The following OR9Q1 variants were observed in gnomAD, a reference collection of about 807,000 sequenced individuals.
OR9Q1 encodes olfactory receptor family 9 subfamily Q member 1, also known as olfactory receptor 9Q1.
For missense variants in OR9Q1, 374 were observed against 378.8 expected (o/e 0.99, Z 0.11); for synonymous variants, 153 against 148.6 (o/e 1.03, Z -0.22).
At chr11:58,155,245 C>T (rs1590619432) in intron 2 of OR9Q1, among the ~76,000 whole-genome samples, 2 of 152,074 alleles carry the variant, frequency 1.3e-5, no homozygotes, top group African/African-American at 2.4e-5. Flanking sequence ...CTTCAACTTA[C>T]GGGATGAGGC....
chr11:58,146,924 G>C (rs533705285), intron 2 of OR9Q1, among the ~76,000 whole-genome samples: 1 of 152,234 alleles, frequency 6.6e-6, no homozygotes, highest in South Asian at 2.1e-4. Flanking sequence ...ATTTGCTTGG[G>C]GACTTGTGGA....
At chr11:58,091,012 G>A (rs1853678691) in intron 2 of OR9Q1, among the ~76,000 whole-genome samples, 1 of 151,882 alleles carries the variant, frequency 6.6e-6, no homozygotes, top group Non-Finnish European at 1.5e-5. Flanking sequence ...ATTACATTGT[G>A]TCTATTCGAT....
chr11:58,147,602 T>C (rs915850137), intron 2 of OR9Q1, among the ~76,000 whole-genome samples: 3 of 152,166 alleles, frequency 2.0e-5, no homozygotes, highest in African/African-American at 7.2e-5. Flanking sequence ...TGAGTGATCT[T>C]TGATACATCC....
intron 2 of OR9Q1, among the ~76,000 whole-genome samples, chr11:58,169,802 T>G (rs1479187575): frequency 6.6e-6 from 1 of 152,150 alleles, no homozygotes; most frequent in Non-Finnish European, 1.5e-5. Context: ...TTAGTATAAC[T>G]AATTTCCCTC....
At chr11:58,090,590 A>G (rs1259855365) in intron 2 of OR9Q1, among the ~76,000 whole-genome samples, 1 of 152,174 alleles carries the variant, frequency 6.6e-6, no homozygotes, top group Non-Finnish European at 1.5e-5. Context: ...CACCAGGTAC[A>G]TTGCCCTGAA....
intron 2 of OR9Q1, among the ~76,000 whole-genome samples, chr11:58,142,321 A>G (rs1023869988): frequency 7.2e-5 from 11 of 152,164 alleles, no homozygotes; most frequent in Non-Finnish European, 1.5e-4. Flanking sequence ...TGCCTGCTAC[A>G]TAGTAAGTTC....
intron 2 of OR9Q1, among the ~76,000 whole-genome samples, chr11:58,065,893 C>T (rs1853424318): frequency 6.6e-6 from 1 of 152,176 alleles, no homozygotes; most frequent in African/African-American, 2.4e-5. Flanking sequence ...GTGACAATGT[C>T]TTGAAGACAC....
At chr11:58,087,148 TAA>T (rs1028666332) in intron 2 of OR9Q1, among the ~76,000 whole-genome samples, 2 of 151,620 alleles carry the variant, frequency 1.3e-5, no homozygotes, top group African/African-American at 2.4e-5. Flanking sequence ...CAATTGAAAA[TAA>T]AGACTATCAG....
At chr11:58,096,461 GA>G (rs765095542) in intron 2 of OR9Q1, among the ~76,000 whole-genome samples, 324 of 152,172 alleles carry the variant, frequency 2.1e-3, no homozygotes, top group Non-Finnish European at 3.7e-3. Context: ...TCGTATAAAT[GA>G]AATCATGGAG....
chr11:58,121,744 A>G (rs1251333686), intron 2 of OR9Q1, among the ~76,000 whole-genome samples: 2 of 152,166 alleles, frequency 1.3e-5, no homozygotes, highest in African/African-American at 2.4e-5. Context: ...ACAACTGGGA[A>G]TTTTCTTTGC....
At chr11:58,084,333 A>C (rs1007693213) in intron 2 of OR9Q1, among the ~76,000 whole-genome samples, 1 of 151,866 alleles carries the variant, frequency 6.6e-6, no homozygotes, top group East Asian at 1.9e-4. Flanking sequence ...ATAGTTTATC[A>C]GTCCTATTAG....
chr11:58,161,560 T>TTTC (rs1285520648), intron 2 of OR9Q1, among the ~76,000 whole-genome samples: 2 of 151,884 alleles, frequency 1.3e-5, no homozygotes, highest in Non-Finnish European at 2.9e-5. Flanking sequence ...TTTTTTTTTT[T>TTTC]TTAGACAGAG....
intron 2 of OR9Q1, chr11:58,119,234 C>T (rs1448326928): frequency 6.2e-7 from 1 of 1,613,912 alleles, no homozygotes; most frequent in Admixed American, 1.7e-5. Flanking sequence ...GTGTAACAGG[C>T]ATCCAGCAGG....
chr11:58,130,079 C>T (rs917953672), intron 2 of OR9Q1, among the ~76,000 whole-genome samples: 5 of 152,118 alleles, frequency 3.3e-5, no homozygotes, highest in Admixed American at 6.5e-5. Flanking sequence ...TGCTCTTCCT[C>T]GAGTCTGCCT....
chr11:58,086,604 C>A (rs1394220507), intron 2 of OR9Q1, among the ~76,000 whole-genome samples: 1 of 151,776 alleles, frequency 6.6e-6, no homozygotes, highest in Non-Finnish European at 1.5e-5. Context: ...TGGAAACAAC[C>A]TAAGTGTCCA....
intron 2 of OR9Q1, among the ~76,000 whole-genome samples, chr11:58,136,510 T>G (rs183464636): frequency 1.7e-3 from 258 of 152,286 alleles, no homozygotes; most frequent in African/African-American, 5.6e-3. Flanking sequence ...TCTCCCTGCC[T>G]GGAGATTTTG....
chr11:58,058,580 C>A (rs1432514107), intron 2 of OR9Q1, among the ~76,000 whole-genome samples: 1 of 152,210 alleles, frequency 6.6e-6, no homozygotes, highest in African/African-American at 2.4e-5. Context: ...GATCCACATC[C>A]TCCCATTCAC....
At chr11:58,113,281 C>T (rs1206080355) in intron 2 of OR9Q1, among the ~76,000 whole-genome samples, 1 of 152,154 alleles carries the variant, frequency 6.6e-6, no homozygotes, top group African/African-American at 2.4e-5. Context: ...GTGACTTTCA[C>T]CCAGTAAGTC....
chr11:58,167,970 A>G (rs1854520722), intron 2 of OR9Q1, among the ~76,000 whole-genome samples: 1 of 152,200 alleles, frequency 6.6e-6, no homozygotes, highest in African/African-American at 2.4e-5. Context: ...CTGCCATCAC[A>G]TTGCAAAAGG....
Sources: gnomAD v4.1 joint callset for allele counts (sites outside exome capture counted in the v4.1 genomes callset) on GRCh38, gnomAD v4.1.1 for gene constraint, MANE v1.5 for transcripts, NCBI Gene and HGNC (gene_info 2026-07-23, HGNC 2026-07-21) for gene names.